The following SCYL1 variants were observed in gnomAD, a reference collection of about 807,000 sequenced individuals.
SCYL1 encodes SCY1 like pseudokinase 1.
SCYL1 carries 85 observed loss-of-function variants against 94.8 expected under a neutral mutation model. The ratio of observed to expected loss-of-function variants is 0.90; its 90% confidence interval spans 0.75 to 1.07. The LOEUF (loss-of-function observed/expected upper bound fraction) is 1.07. Among genes scored for constraint, SCYL1 ranks in the 50% least tolerant of loss-of-function variants. The probability of loss-of-function intolerance (pLI) is 0.00; values close to 1 mark genes in which losing one functional copy is unlikely to be tolerated. For synonymous variants in SCYL1, 459 were observed against 435.5 expected (o/e 1.05, Z -0.67); for missense variants, 968 against 1,083.3 (o/e 0.89, Z 1.49).
At position 65,532,685 on chromosome 11, in the gene SCYL1, G is replaced by A; in HGVS notation, c.1117-7G>A. 1 of 1,611,252 alleles carries A rather than the reference G, an allele frequency of 6.2e-7. No homozygotes were observed. Among genetic ancestry groups the A allele is most frequent in the Non-Finnish European group, 8.5e-7 (1 of 1,177,502 alleles). The stretch of plus-strand genomic sequence containing the variant: ...ACCATGTTGACGCATCCCAACCTGG[G>A]CCACAGATGGAGCAGTTCATCCAGT... On this transcript the variant is annotated splice_region_variant and splice_polypyrimidine_tract_variant and intron_variant, in intron 8 of 17. Transcript: ENST00000270176.
At chr11:65,535,587 C>A (rs1179817813) in intron 10 of SCYL1, 4 of 690,348 alleles carry the variant, frequency 5.8e-6, no homozygotes, top group African/African-American at 1.8e-5. Context: ...TGAATCCAGG[C>A]GTGCTTGGCC....
At chr11:65,532,572 A>C (rs1024595132) in intron 8 of SCYL1, 120 bp from the exon 9 acceptor site, 9 of 763,730 alleles carry the variant, frequency 1.2e-5, no homozygotes, top group Admixed American at 1.0e-4. Flanking sequence ...GTGGCTCAGG[A>C]GGTTGACCTG....
intron 9 of SCYL1, among the ~76,000 whole-genome samples, chr11:65,533,675 G>A (rs1855504271): frequency 1.3e-5 from 2 of 152,284 alleles, no homozygotes; most frequent in South Asian, 4.1e-4. Context: ...AGCTACTCGG[G>A]AGGCTGAGGC....
intron 6 of SCYL1, among the ~76,000 whole-genome samples, chr11:65,528,926 A>G (rs185656483): frequency 6.6e-6 from 1 of 152,212 alleles, no homozygotes; most frequent in African/African-American, 2.4e-5. Context: ...AGGCGACAGC[A>G]CGTGGAGAGA....
chr11:65,537,965 A>G lies in SCYL1; in HGVS notation c.2032-2A>G. 1 of 1,608,882 alleles carries G rather than the reference A, an allele frequency of 6.2e-7. No individual in the cohort carries two copies. The highest frequency in any genetic ancestry group is 8.5e-7 in the Non-Finnish European group (1 of 1,177,234). On this transcript the variant is annotated splice_acceptor_variant, in intron 15 of 17. Coordinates refer to ENST00000270176, the MANE Select transcript of SCYL1 (RefSeq NM_020680.4). LOFTEE classifies it high-confidence loss of function. ...CTACTTCCCCCTCCCGCTCTTCTAC[A>G]GGTCAGCAACTCCGACCACAAATCC...
In SCYL1 at chr11:65,527,017, T is replaced by G; in HGVS notation, c.749T>G (p.Val250Gly). 6.2e-7 allele frequency: 1 copy of G among 1,613,430 alleles called. No homozygotes were observed. The highest frequency in any genetic ancestry group is 1.7e-4 in the Middle Eastern group (1 of 6,060). Residue 250 changes from valine (V) to glycine (G), a missense_variant, in exon 6 of 18, where the codon GTG becomes GGG. Val to Gly is a moderately radical substitution (Grantham distance 109). This residue lies in a region of SCYL1 where 494 missense variants were observed against 619.7 expected (regional missense o/e 0.80). Transcript: ENST00000270176. ...YCELVGANPK[V>G]RPNPARFLQN... ...GAGCTGGTGGGAGCAAACCCCAAGGTGCGTCCCAACCCAGCCCGCTTCCTG... is the reference window on the plus strand; with the variant it reads ...GAGCTGGTGGGAGCAAACCCCAAGGGGCGTCCCAACCCAGCCCGCTTCCTG...
In SCYL1 at chr11:65,530,774, C is replaced by A. The variant is rs201989796; in HGVS notation, c.995C>A (p.Thr332Lys). The change falls in exon 7 of 18, where the codon ACG becomes AAG. Residue 332 changes from threonine (T) to lysine (K), a missense_variant. This residue lies in a region of SCYL1 where 494 missense variants were observed against 619.7 expected (regional missense o/e 0.80). Coordinates refer to ENST00000270176, the MANE Select transcript of SCYL1 (RefSeq NM_020680.4). ...EFGNAGAVVL[T>K]PLFKVGKFLS... ...GGCAATGCTGGGGCCGTTGTCCTCA[C>A]GCCCCTCTTCAAGGTGAGTGGAACT... 3 of 1,611,856 alleles carry A rather than the reference C, an allele frequency of 1.9e-6. No homozygotes were observed. The highest frequency in any genetic ancestry group is 2.5e-6 in the Non-Finnish European group (3 of 1,179,182).
Position 65,526,933 on chromosome 11 carries a change from CTGCCCT to C in SCYL1, c.694-28_694-23del. On this transcript the variant is annotated intron_variant, in intron 5 of 17. Coordinates refer to ENST00000270176, the MANE Select transcript of SCYL1 (RefSeq NM_020680.4). The surrounding 1 kb of genome is among the most constrained non-coding windows in gnomAD (Gnocchi z 4.1). ...CAGCCCCTCTGCCAGCTGGCTACCCCTGCCCTGACACTGACCCCTCCCCTACAGATC... is the reference window on the plus strand; with the variant it reads ...CAGCCCCTCTGCCAGCTGGCTACCCCGACACTGACCCCTCCCCTACAGATC... 1 of 1,610,460 alleles carries C rather than the reference CTGCCCT, an allele frequency of 6.2e-7. No individual in the cohort carries two copies. The highest frequency in any genetic ancestry group is 8.5e-7 in the Non-Finnish European group (1 of 1,177,536).
Position 65,535,397 on chromosome 11 carries a change from C to T in SCYL1, c.1386+15C>T. 1 of 1,611,102 alleles carries T rather than the reference C, an allele frequency of 6.2e-7. No homozygotes were observed. The highest frequency in any genetic ancestry group is 8.5e-7 in the Non-Finnish European group (1 of 1,177,452). ...TCAGTGCTAGCGTGAGTGTCCTGCA[C>T]AACTGCTGGAGCCCGGTCCCTGTCG... On this transcript the variant is annotated intron_variant, in intron 10 of 17. Coordinates refer to ENST00000270176, the MANE Select transcript of SCYL1 (RefSeq NM_020680.4).
rs567530239 is a variant in SCYL1 at position 65,527,254 on chromosome 11, A to G, written c.849+137A>G. 4.4e-6 allele frequency: 4 copies of G among 910,490 alleles called. No homozygotes were observed. In the African/African-American group the frequency reaches 5.0e-5, roughly 11 times the overall value. 56.4% of individuals were successfully genotyped at this position (910,490 alleles called of 1,614,324 possible). A position where few individuals can be genotyped will look rare whatever the true frequency, so the allele number is the denominator to read the frequency against. The stretch of plus-strand genomic sequence containing the variant: ...GTTAGGCCAATCCGGGTTCAAACCC[A>G]GGCTCCAGCTCATACTTACTCTGTG... On this transcript the variant is annotated intron_variant, in intron 6 of 17. Coordinates refer to ENST00000270176, the MANE Select transcript of SCYL1 (RefSeq NM_020680.4).
Position 65,535,314 on chromosome 11 carries a change from G to A in SCYL1, c.1318G>A (p.Glu440Lys). The A allele has an allele frequency of 6.2e-7, 1 of 1,614,258 alleles. No individual in the cohort carries two copies. Among genetic ancestry groups the A allele is most frequent in the African/African-American group, 1.3e-5 (1 of 75,078 alleles). ...KHFARLQAKDEQGPIRCNTTV... is the reference protein window; with the variant it reads ...KHFARLQAKDKQGPIRCNTTV... Reference sequence around the variant, plus strand: ...CTTTGCACGGCTACAGGCCAAGGATGAACAGGGCCCCATCCGCTGCAACAC... The same window carrying A: ...CTTTGCACGGCTACAGGCCAAGGATAAACAGGGCCCCATCCGCTGCAACAC... The change falls in exon 10 of 18, where the codon GAA becomes AAA. Residue 440 changes from glutamate (E) to lysine (K), a missense_variant. Coordinates refer to ENST00000270176, the MANE Select transcript of SCYL1 (RefSeq NM_020680.4).
In SCYL1 at chr11:65,537,032, C is replaced by T. The variant is rs1855696912; in HGVS notation, c.1863C>T (p.Thr621=). The T allele has an allele frequency of 1.9e-6, 3 of 1,613,660 alleles. No individual in the cohort carries two copies. The highest frequency in any genetic ancestry group is 1.7e-5 in the Admixed American group (1 of 60,010). The change falls in exon 14 of 18, where the codon ACC becomes ACT. Residue 621 remains threonine, a synonymous_variant. Coordinates refer to ENST00000270176, the MANE Select transcript of SCYL1 (RefSeq NM_020680.4). ...APTPVPATPT[T]SGHWETQEED... ...CCCCTGTTCCTGCCACCCCTACAACCTCAGGCCACTGGGAGACGCAGGAGG... is the reference window on the plus strand; with the variant it reads ...CCCCTGTTCCTGCCACCCCTACAACTTCAGGCCACTGGGAGACGCAGGAGG...
intron 6 of SCYL1, among the ~76,000 whole-genome samples, chr11:65,528,933 G>T (rs574911953): frequency 6.6e-6 from 1 of 152,336 alleles, no homozygotes; most frequent in South Asian, 2.1e-4. Context: ...AGCACGTGGA[G>T]AGATACTGAG....
chr11:65,526,322 A>G lies in SCYL1; in HGVS notation c.574A>G (p.Ser192Gly). 1 of 1,606,996 alleles carries G rather than the reference A, an allele frequency of 6.2e-7. No individual in the cohort carries two copies. The highest frequency in any genetic ancestry group is 1.3e-5 in the African/African-American group (1 of 74,980). ...GTATGACCCCCCGGAGTTGGCTGAC[A>G]GCAGTGGCAGAGTGGTCAGAGAGAA... Reference protein sequence around the residue: ...EQYDPPELADSSGRVVREKWS... With the variant: ...EQYDPPELADGSGRVVREKWS... Residue 192 changes from serine (S) to glycine (G), a missense_variant, in exon 4 of 18, where the codon AGC becomes GGC. Physicochemically the swap from Ser to Gly is moderately conservative, Grantham distance 56. Transcript: ENST00000270176. The surrounding 1 kb of genome is among the most constrained non-coding windows in gnomAD (Gnocchi z 4.1).
At chr11:65,531,704 T>C in intron 8 of SCYL1, 21 bp downstream of exon 8, 1 of 1,573,154 alleles carries the variant, frequency 6.4e-7, no homozygotes, top group Non-Finnish European at 8.7e-7. Context: ...TGTACCAGAC[T>C]CTGTGGTGGT....
intron 8 of SCYL1, among the ~76,000 whole-genome samples, chr11:65,532,183 G>A (rs1289728592): frequency 6.6e-6 from 1 of 152,170 alleles, no homozygotes; most frequent in African/African-American, 2.4e-5. Flanking sequence ...CAGCACTTTG[G>A]GAGGGCCGAG....
chr11:65,537,203 G>A (rs1408805811), intron 14 of SCYL1, 75 bp downstream of exon 14: 3 of 1,554,086 alleles, frequency 1.9e-6, no homozygotes, highest in African/African-American at 2.7e-5. Context: ...GAGCTTCTGT[G>A]GGGCCTGGCT....
At position 65,536,745 on chromosome 11, in the gene SCYL1, C is replaced by T; in HGVS notation, c.1811C>T (p.Pro604Leu). 1 of 1,600,508 alleles carries T rather than the reference C, an allele frequency of 6.2e-7. No homozygotes were observed. The highest frequency in any genetic ancestry group is 8.5e-7 in the Non-Finnish European group (1 of 1,170,048). The change falls in exon 13 of 18, where the codon CCT (proline) becomes CTT (leucine). Residue 604 changes from proline (P) to leucine (L), a missense_variant. Physicochemically the swap from Pro to Leu is moderately conservative, Grantham distance 98. Transcript: ENST00000270176. ...ACCAACATTCCCCAAAGACCCACGC[C>T]TGAAGGTGAGTGTCCTGGCCTAGCT... ...TETNIPQRPTPEGVPAPAPTP... is the reference protein window; with the variant it reads ...TETNIPQRPTLEGVPAPAPTP...
Position 65,531,665 on chromosome 11 carries a change from C to T in SCYL1, c.1098C>T (p.Arg366=), listed in dbSNP as rs531408084. The T allele has an allele frequency of 8.7e-6, 14 of 1,613,316 alleles. No homozygotes were observed. The highest frequency in any genetic ancestry group is 1.1e-5 in the Non-Finnish European group (13 of 1,179,284). ...TCTCATCCACTGACCGGGCCATGCG[C>T]ATCCGCCTCCTGCAGCAGGTGAGGC... ...KMFSSTDRAM[R]IRLLQQMEQF... The change falls in exon 8 of 18, where the codon CGC becomes CGT. Residue 366 remains arginine (R), a synonymous_variant. Coordinates refer to ENST00000270176, the MANE Select transcript of SCYL1 (RefSeq NM_020680.4).
Sources: allele counts gnomAD v4.1 joint callset (sites outside exome capture counted in the v4.1 genomes callset), GRCh38; gene constraint gnomAD v4.1.1; regional missense constraint gnomAD v4.1.1; non-coding constraint Gnocchi (gnomAD v3.1); transcripts MANE v1.5; gene names NCBI Gene and HGNC (gene_info 2026-07-23, HGNC 2026-07-21).